The following TEKT4 variants were observed in gnomAD, a reference collection of about 807,000 sequenced individuals.
TEKT4 encodes the protein tektin 4, also known as tektin-4.
In TEKT4, 46 loss-of-function variants were observed where a neutral mutation model predicts 46.0. That is an observed-to-expected ratio of 1.00 (90% confidence interval 0.79 to 1.28). TEKT4 has a LOEUF of 1.28. TEKT4 is among the 50% of genes most tolerant of loss of function. The probability of loss-of-function intolerance (pLI) is 0.00; values close to 1 mark genes in which losing one functional copy is unlikely to be tolerated. For synonymous variants in TEKT4, 325 were observed against 265.8 expected, an observed-to-expected ratio of 1.22 and a Z score of -2.17; for missense variants, 790 against 622.9, an observed-to-expected ratio of 1.27 and a Z score of -2.85.
At position 94,873,332 on chromosome 2, in the gene TEKT4, G is replaced by A. The variant is rs1261273386; in HGVS notation, c.499-188G>A. On this transcript the variant is annotated intron_variant, in intron 1 of 5. Coordinates refer to ENST00000295201, the MANE Select transcript of TEKT4 (RefSeq NM_144705.4). ...TGGAGGAAAACACCCCACTTACAACGCACCAAGGAGAATGCCCAAAAGCCC... is the reference window on the plus strand; with the variant it reads ...TGGAGGAAAACACCCCACTTACAACACACCAAGGAGAATGCCCAAAAGCCC... 3.4e-5 allele frequency: 49 copies of A among 1,442,862 alleles called. No homozygotes were observed. In the East Asian group the frequency reaches 6.9e-4, roughly 20 times the overall value. The allele number at this position is 1,442,862 out of a possible 1,614,324, so 89.4% of individuals were successfully genotyped here.
chr2:94,874,226 A>G (rs1680719608), intron 3 of TEKT4, 118 bp downstream of exon 3: 1 of 1,094,950 alleles, frequency 9.1e-7, no homozygotes, highest in East Asian at 2.5e-5. Flanking sequence ...CCCCGAGGGC[A>G]CTTGGGCAAC....
chr2:94,875,478 G>A (rs1186325707), intron 4 of TEKT4, 110 bp from the exon 5 acceptor site: 6 of 1,537,600 alleles, frequency 3.9e-6, no homozygotes, highest in African/African-American at 1.4e-5. Context: ...CACTGGTCAG[G>A]ACTGCCCTCT....
intron 5 of TEKT4, among the ~76,000 whole-genome samples, chr2:94,876,009 C>T (rs1375439359): frequency 6.6e-6 from 1 of 152,184 alleles, no homozygotes; most frequent in Non-Finnish European, 1.5e-5. Flanking sequence ...ACCTCATCTT[C>T]CCGGGAGGAA....
rs1420535197 is a variant in TEKT4 at position 94,872,032 on chromosome 2, G to A, written c.453G>A (p.Glu151=). The change falls in exon 1 of 6, where the codon GAG becomes GAA. Residue 151 remains glutamate (E), a synonymous_variant. Coordinates refer to ENST00000295201, the MANE Select transcript of TEKT4 (RefSeq NM_144705.4). ...TDNLQCRERR[E]HPNLVRDHVE... ...ACCTGCAGTGCCGTGAGCGCCGCGA[G>A]CACCCCAACCTCGTGCGCGACCATG... 5 of 1,566,422 alleles carry A rather than the reference G, an allele frequency of 3.2e-6. No homozygotes were observed. In the African/African-American group the frequency reaches 5.4e-5, roughly 17 times the overall value.
In TEKT4 at chr2:94,872,023, G is replaced by C. The variant is rs781865672; in HGVS notation, c.444G>C (p.Glu148Asp). ...SITTDNLQCR[E>D]RREHPNLVRD... ...CCACTGACAACCTGCAGTGCCGTGA[G>C]CGCCGCGAGCACCCCAACCTCGTGC... Residue 148 changes from glutamate to aspartate, a missense_variant, in exon 1 of 6, where the codon GAG becomes GAC. Glu to Asp is a conservative substitution (Grantham distance 45, BLOSUM62 2). Transcript: ENST00000295201. 3 of 1,571,936 alleles carry C rather than the reference G, an allele frequency of 1.9e-6. No homozygotes were observed. The highest frequency in any genetic ancestry group is 2.6e-6 in the Non-Finnish European group (3 of 1,159,514).
At chr2:94,873,440 G>T in intron 1 of TEKT4, 80 bp from the exon 2 acceptor site, 2 of 1,605,878 alleles carry the variant, frequency 1.2e-6, no homozygotes, top group South Asian at 2.2e-5. Context: ...CTCAGGTGTT[G>T]ACCAAGGCCT....
rs535590997 is a variant in TEKT4, at chr2:94,876,792, C to A, written c.*23C>A. The A allele has an allele frequency of 1.3e-6, 2 of 1,596,374 alleles. No individual in the cohort carries two copies. Among genetic ancestry groups the A allele is most frequent in the South Asian group, 2.2e-5 (2 of 90,590 alleles). The stretch of plus-strand genomic sequence containing the variant: ...TGAGCAGCGGCACGGTGCTTCCCCC[C>A]AGTCCCCCAAATAAACAGCGCGTTA... On this transcript the variant is annotated 3_prime_UTR_variant, in exon 6 of 6. Coordinates refer to ENST00000295201, the MANE Select transcript of TEKT4 (RefSeq NM_144705.4).
At chr2:94,872,921 G>A (rs1184856716) in intron 1 of TEKT4, 4 of 1,289,314 alleles carry the variant, frequency 3.1e-6, no homozygotes, top group Middle Eastern at 2.1e-4. Context: ...CACTGACAGT[G>A]CACGGAGAGG....
rs145962771 is a variant in TEKT4 at position 94,874,921 on chromosome 2, G to A, written c.859G>A (p.Ala287Thr). 2.8e-4 allele frequency: 453 copies of A among 1,612,134 alleles called. 2 individuals are homozygous for A. In the African/African-American group the frequency reaches 5.2e-3, roughly 18 times the overall value. The change falls in exon 4 of 6, where the codon GCC (alanine) becomes ACC (threonine). Residue 287 changes from alanine to threonine, a missense_variant. Coordinates refer to ENST00000295201, the MANE Select transcript of TEKT4 (RefSeq NM_144705.4). ...TSEDLRLQCD[A>T]VNLAFGRRCE... ...CGAGGACCTGCGGCTCCAGTGCGACGCCGTGAACCTGGCCTTCGGGCGCCG... is the reference window on the plus strand; with the variant it reads ...CGAGGACCTGCGGCTCCAGTGCGACACCGTGAACCTGGCCTTCGGGCGCCG...
At position 94,871,671 on chromosome 2, in the gene TEKT4, C is replaced by A. The variant is rs1553394468; in HGVS notation, c.92C>A (p.Thr31Asn). ...TGAYTSSGLA[T>N]ASFRTSKYLL... ...GCCTACACGTCCTCCGGCCTGGCCA[C>A]CGCCAGCTTCCGCACCTCCAAGTAC... is the stretch of plus-strand genomic sequence containing the variant. The change falls in exon 1 of 6, where the codon ACC (threonine) becomes AAC (asparagine). Residue 31 changes from threonine to asparagine, a missense_variant. By Grantham distance (65) the Thr-to-Asn change is moderately conservative. Transcript: ENST00000295201. The A allele has an allele frequency of 1.2e-6, 2 of 1,612,590 alleles. No individual in the cohort carries two copies. The highest frequency in any genetic ancestry group is 1.7e-6 in the Non-Finnish European group (2 of 1,179,924).
At position 94,876,668 on chromosome 2, in the gene TEKT4, G is replaced by C. The variant is rs141578303; in HGVS notation, c.1207G>C (p.Asp403His). ...LEDIHMSLEK[D>H]IAAMTNSLFI... ...GGACATCCACATGAGCCTGGAGAAGGACATTGCCGCCATGACCAACAGTCT... is the reference window on the plus strand; with the variant it reads ...GGACATCCACATGAGCCTGGAGAAGCACATTGCCGCCATGACCAACAGTCT... The change falls in exon 6 of 6, where the codon GAC (aspartate) becomes CAC (histidine). Residue 403 changes from aspartate to histidine, a missense_variant. Transcript: ENST00000295201. 6.2e-7 allele frequency: 1 copy of C among 1,613,370 alleles called. No homozygotes were observed. Among genetic ancestry groups the C allele is most frequent in the Non-Finnish European group, 8.5e-7 (1 of 1,180,008 alleles).
intron 3 of TEKT4, 39 bp from the exon 4 acceptor site, chr2:94,874,736 AG>A (rs1553395772): frequency 6.7e-6 from 10 of 1,498,164 alleles, no homozygotes; most frequent in Non-Finnish European, 8.9e-6. Context: ...CCTTCGGCAG[AG>A]CCTCCCCGAC....
At position 94,874,795 on chromosome 2, in the gene TEKT4, C is replaced by T. The variant is rs76696553; in HGVS notation, c.733C>T (p.Arg245Trp). 1.8e-5 allele frequency: 28 copies of T among 1,589,820 alleles called. No homozygotes were observed. Among genetic ancestry groups the T allele is most frequent in the African/African-American group, 1.6e-4 (12 of 74,596 alleles). The change falls in exon 4 of 6, where the codon CGG becomes TGG. Residue 245 changes from arginine (R) to tryptophan (W), a missense_variant. Transcript: ENST00000295201. ...CCGCAGCGCCTCCACCCCGGAGACC[C>T]GGGCCAAGTTCACGCAGGACAATCT... ...FQESASTPET[R>W]AKFTQDNLCR...
intron 2 of TEKT4, 27 bp downstream of exon 2, chr2:94,873,617 AT>A (rs1398310445): frequency 2.5e-6 from 4 of 1,613,218 alleles, no homozygotes; most frequent in Non-Finnish European, 3.4e-6. Flanking sequence ...CCAAGGGATG[AT>A]TCCTGACCCT....
At chr2:94,873,130 G>A (rs1680653650) in intron 1 of TEKT4, 5 of 1,227,670 alleles carry the variant, frequency 4.1e-6, no homozygotes, top group African/African-American at 3.1e-5. Context: ...ACAGAGCCCT[G>A]AGGGGCAGCC....
rs782396058 is a variant in TEKT4, at chr2:94,871,822, G to A, written c.243G>A (p.Gln81=). 1 of 1,608,850 alleles carries A rather than the reference G, an allele frequency of 6.2e-7. No homozygotes were observed. ...CCACAGAGACCCAGGCGCTGGCGCAGCGCACGCAGCAAGACTCCACGCGCA... is the reference window on the plus strand; with the variant it reads ...CCACAGAGACCCAGGCGCTGGCGCAACGCACGCAGCAAGACTCCACGCGCA... ...QLATETQALA[Q]RTQQDSTRTV... The change falls in exon 1 of 6, where the codon CAG becomes CAA. Residue 81 remains glutamine (Q), a synonymous_variant. Coordinates refer to ENST00000295201, the MANE Select transcript of TEKT4 (RefSeq NM_144705.4).
chr2:94,873,984 G>A lies in TEKT4; in HGVS notation c.589G>A (p.Glu197Lys), dbSNP rs1190007636. Residue 197 changes from glutamate (E) to lysine (K), a missense_variant, in exon 3 of 6, where the codon GAG becomes AAG. Transcript: ENST00000295201. ...CCCCAGACTGAACCGGGAGCACAAG[G>A]AGACCTGCGAGATGGACTGGTCAGA... Reference protein sequence around the residue: ...SQIRLNREHKETCEMDWSDKM... With the variant: ...SQIRLNREHKKTCEMDWSDKM... The A allele has an allele frequency of 1.2e-6, 2 of 1,613,838 alleles. No homozygotes were observed. Among genetic ancestry groups the A allele is most frequent in the South Asian group, 1.1e-5 (1 of 91,074 alleles).
Position 94,871,701 on chromosome 2 carries a change from T to C in TEKT4, c.122T>C (p.Leu41Pro). Residue 41 changes from leucine to proline, a missense_variant, in exon 1 of 6, where the codon CTG becomes CCG. Coordinates refer to ENST00000295201, the MANE Select transcript of TEKT4 (RefSeq NM_144705.4). Reference protein sequence around the residue: ...TASFRTSKYLLEEWFQNCYAR... With the variant: ...TASFRTSKYLPEEWFQNCYAR... ...AGCTTCCGCACCTCCAAGTACCTGC[T>C]GGAGGAGTGGTTCCAGAACTGCTAT... 6.2e-7 allele frequency: 1 copy of C among 1,612,584 alleles called. No individual in the cohort carries two copies. The highest frequency in any genetic ancestry group is 1.7e-5 in the Admixed American group (1 of 60,032).
At chr2:94,873,728 G>C in intron 2 of TEKT4, 138 bp downstream of exon 2, 2 of 1,308,330 alleles carry the variant, frequency 1.5e-6, no homozygotes, top group African/African-American at 1.5e-5. Flanking sequence ...AGGACTGGGT[G>C]GGGGAGGTTC....
Sources: allele counts gnomAD v4.1 joint callset (sites outside exome capture counted in the v4.1 genomes callset), GRCh38; gene constraint gnomAD v4.1.1; transcripts MANE v1.5; gene names NCBI Gene and HGNC (gene_info 2026-07-23, HGNC 2026-07-21).